The following LYPLAL1 variants were observed in gnomAD, a reference collection of about 807,000 sequenced individuals.
LYPLAL1 encodes the protein lysophospholipase-like protein 1.
A neutral mutation model predicts 19.7 loss-of-function variants in LYPLAL1; 23 were observed. That is an observed-to-expected ratio of 1.17 (90% confidence interval 0.84 to 1.65). The LOEUF (loss-of-function observed/expected upper bound fraction) is 1.65, where lower values mean the gene tolerates loss of function less well. Ranked by LOEUF, LYPLAL1 falls within the 40% of genes most tolerant of loss-of-function variation. The pLI is 0.00. For missense variants in LYPLAL1, 355 were observed against 279.4 expected, an observed-to-expected ratio of 1.27 and a Z score of -1.93; for synonymous variants, 119 against 96.3, an observed-to-expected ratio of 1.24 and a Z score of -1.38.
At chr1:219,421,516 T>C in the LYPLAL1 span, among the ~76,000 whole-genome samples, 1 of 152,210 alleles carries the variant, frequency 6.6e-6, no homozygotes, top group Non-Finnish European at 1.5e-5. Flanking sequence ...ATATTTTTAC[T>C]GTTGAAAGTG....
At chr1:219,311,275 G>A in the LYPLAL1 span, among the ~76,000 whole-genome samples, 1 of 152,026 alleles carries the variant, frequency 6.6e-6, no homozygotes, top group Non-Finnish European at 1.5e-5. Flanking sequence ...ATTGTGAGAT[G>A]CAGCAATATC....
chr1:219,197,923 GAGGGAATCATGTCTTACC>G (rs1657743126), intron 3 of LYPLAL1, among the ~76,000 whole-genome samples: 1 of 152,076 alleles, frequency 6.6e-6, no homozygotes, highest in Non-Finnish European at 1.5e-5. Context: ...TATTTTCTTA[GAGGGAATCATGTCTTACC>G]AGCCAGATTG....
the LYPLAL1 span, among the ~76,000 whole-genome samples, chr1:219,320,129 T>G: frequency 3.3e-5 from 5 of 152,202 alleles, no homozygotes; most frequent in African/African-American, 9.6e-5. Context: ...GATGTCATAG[T>G]AGGTAAGCGT....
At chr1:219,366,230 G>C in the LYPLAL1 span, among the ~76,000 whole-genome samples, 1 of 152,106 alleles carries the variant, frequency 6.6e-6, no homozygotes, top group Non-Finnish European at 1.5e-5. Context: ...AATTGCAAAT[G>C]ATAATGAATG....
chr1:219,392,144 G>C, the LYPLAL1 span, among the ~76,000 whole-genome samples: 3 of 152,126 alleles, frequency 2.0e-5, no homozygotes, highest in African/African-American at 7.2e-5. Flanking sequence ...CCCAAGAGTC[G>C]TGAGTAGGTT....
At chr1:219,257,353 G>GTTTTTTTTTTTTTTT in the LYPLAL1 span, among the ~76,000 whole-genome samples, 2 of 132,580 alleles carry the variant, frequency 1.5e-5, 1 homozygote, top group Non-Finnish European at 3.2e-5. Flanking sequence ...ATCCATACCA[G>GTTTTTTTTTTTTTTT]TTTTTGTTTT....
At chr1:219,187,064 C>T (rs1399551786) in intron 2 of LYPLAL1, among the ~76,000 whole-genome samples, 1 of 150,668 alleles carries the variant, frequency 6.6e-6, no homozygotes, top group African/African-American at 2.4e-5. Flanking sequence ...CTATATAGGT[C>T]CCTTTATCCC....
the LYPLAL1 span, among the ~76,000 whole-genome samples, chr1:219,413,244 ATCT>A: frequency 6.6e-6 from 1 of 152,216 alleles, no homozygotes; most frequent in Non-Finnish European, 1.5e-5. Context: ...ATTTTATATC[ATCT>A]TCTTTCTTGA....
the LYPLAL1 span, among the ~76,000 whole-genome samples, chr1:219,219,529 T>G: frequency 6.6e-6 from 1 of 152,318 alleles, no homozygotes; most frequent in East Asian, 1.9e-4. Flanking sequence ...GCCTTTGAGT[T>G]CCCAGTTAGT....
chr1:219,324,659 C>T, the LYPLAL1 span, among the ~76,000 whole-genome samples: 2 of 152,244 alleles, frequency 1.3e-5, no homozygotes, highest in South Asian at 4.1e-4. Flanking sequence ...GGTTTCTTGA[C>T]ATCAGATTGA....
the LYPLAL1 span, among the ~76,000 whole-genome samples, chr1:219,428,686 A>T: frequency 6.6e-6 from 1 of 152,256 alleles, no homozygotes; most frequent in Non-Finnish European, 1.5e-5. Flanking sequence ...TCGAATTAGA[A>T]TTCAACAGCT....
At chr1:219,293,904 G>A in the LYPLAL1 span, among the ~76,000 whole-genome samples, 1 of 152,262 alleles carries the variant, frequency 6.6e-6, no homozygotes, top group South Asian at 2.1e-4. Flanking sequence ...CAGGACTTAC[G>A]TTTTCTCTGC....
the LYPLAL1 span, among the ~76,000 whole-genome samples, chr1:219,410,981 A>C: frequency 1.3e-5 from 2 of 151,928 alleles, no homozygotes; most frequent in Admixed American, 1.3e-4. Flanking sequence ...GACGAGCGCC[A>C]CCCCCTGCTC....
At chr1:219,177,645 A>C (rs1009863971) in intron 1 of LYPLAL1, among the ~76,000 whole-genome samples, 3 of 152,174 alleles carry the variant, frequency 2.0e-5, no homozygotes, top group Non-Finnish European at 4.4e-5. Context: ...CTTTATAACA[A>C]ATCCGTTGCC....
the LYPLAL1 span, among the ~76,000 whole-genome samples, chr1:219,250,675 A>C: frequency 5.9e-5 from 9 of 151,888 alleles, no homozygotes; most frequent in Non-Finnish European, 1.3e-4. Flanking sequence ...TGGTGTATAC[A>C]TACCACATTT....
At chr1:219,329,533 C>G in the LYPLAL1 span, among the ~76,000 whole-genome samples, 6 of 152,166 alleles carry the variant, frequency 3.9e-5, no homozygotes, top group Admixed American at 2.0e-4. Flanking sequence ...TAGATGTGGA[C>G]AAATCCTTTC....
chr1:219,348,445 T>C, the LYPLAL1 span, among the ~76,000 whole-genome samples: 1 of 152,250 alleles, frequency 6.6e-6, no homozygotes, highest in South Asian at 2.1e-4. Flanking sequence ...GGTCATTCTG[T>C]GTATTCCTCA....
chr1:219,245,088 C>G, the LYPLAL1 span, among the ~76,000 whole-genome samples: 1 of 143,466 alleles, frequency 7.0e-6, no homozygotes, highest in South Asian at 2.2e-4. Context: ...CCTCTTTCTT[C>G]TTTCTCTTTC....
At chr1:219,237,877 A>C in the LYPLAL1 span, among the ~76,000 whole-genome samples, 30 of 152,274 alleles carry the variant, frequency 2.0e-4, no homozygotes, top group African/African-American at 6.3e-4. Context: ...CTCACTGGTA[A>C]CTTTATCCCC....
Sources: allele counts gnomAD v4.1 joint callset (sites outside exome capture counted in the v4.1 genomes callset), GRCh38; gene constraint gnomAD v4.1.1; transcripts MANE v1.5; gene names NCBI Gene and HGNC (gene_info 2026-07-23, HGNC 2026-07-21).